Variants in ATXN1 observed in about 807,000 individuals in gnomAD.
ATXN1 encodes ataxin-1.
In ATXN1, 8 loss-of-function variants were observed where a neutral mutation model predicts 56.4. The ratio of observed to expected loss-of-function variants is 0.14; its 90% confidence interval spans 0.08 to 0.26. The LOEUF is 0.26. Among genes scored for constraint, ATXN1 ranks in the 10% least tolerant of loss-of-function variants. The pLI, the probability that ATXN1 is intolerant of heterozygous loss-of-function variation, is 1.00. For missense variants in ATXN1, 987 were observed against 1,106.5 expected, an observed-to-expected ratio of 0.89 and a Z score of 1.53; for synonymous variants, 514 against 494.6, an observed-to-expected ratio of 1.04 and a Z score of -0.52.
chr6:16,338,528 T>C (rs902788188), intron 6 of ATXN1, among the ~76,000 whole-genome samples: 1 of 152,226 alleles, frequency 6.6e-6, no homozygotes, highest in Non-Finnish European at 1.5e-5. Flanking sequence ...CGATTATACA[T>C]GTGCCCAAGT....
rs897937301 is a variant in ATXN1, at chr6:16,309,243, TA to T, written c.1918-2385del. Among the ~76,000 whole-genome samples the T allele has an allele frequency of 2.1e-3, 299 of 145,034 alleles. 2 individuals carry two copies. The highest frequency in any genetic ancestry group is 0.014 in the Middle Eastern group (4 of 282). ...ACTCTGTCTCTAAAAAAAAAAAAAA[TA>T]AATAATAATAATAATAATAATTAAT... On this transcript the variant is annotated intron_variant, in intron 7 of 7. Transcript: ENST00000436367.
intron 5 of ATXN1, among the ~76,000 whole-genome samples, chr6:16,494,862 AT>A (rs1760748951): frequency 6.6e-6 from 1 of 152,184 alleles, no homozygotes; most frequent in South Asian, 2.1e-4. Context: ...TCCTTCAGGT[AT>A]TGCTGTAGCA....
chr6:16,391,078 C>T (rs1029010712), intron 6 of ATXN1, among the ~76,000 whole-genome samples: 2 of 145,544 alleles, frequency 1.4e-5, no homozygotes, highest in African/African-American at 5.2e-5. Context: ...AGGAGAATCA[C>T]ATGAACCTGG....
At chr6:16,346,421 T>C (rs956333234) in intron 6 of ATXN1, among the ~76,000 whole-genome samples, 4 of 152,158 alleles carry the variant, frequency 2.6e-5, no homozygotes, top group African/African-American at 7.2e-5. Flanking sequence ...TCCTCCTCTA[T>C]GCAGTAATCC....
At chr6:16,648,438 G>A (rs1763839035) in intron 3 of ATXN1, among the ~76,000 whole-genome samples, 2 of 152,210 alleles carry the variant, frequency 1.3e-5, no homozygotes, top group South Asian at 2.1e-4. Flanking sequence ...TCATGAAAGT[G>A]CAACAAAATA....
At chr6:16,539,364 G>C (rs1200675695) in intron 4 of ATXN1, among the ~76,000 whole-genome samples, 1 of 152,148 alleles carries the variant, frequency 6.6e-6, no homozygotes, top group East Asian at 1.9e-4. Flanking sequence ...AACTAGCTCA[G>C]AGGCCTATGT....
At chr6:16,509,427 G>A (rs1761038073) in intron 5 of ATXN1, among the ~76,000 whole-genome samples, 1 of 152,174 alleles carries the variant, frequency 6.6e-6, no homozygotes, top group Non-Finnish European at 1.5e-5. Context: ...AGGCCTCTTG[G>A]AGGTGACATT....
intron 2 of ATXN1, among the ~76,000 whole-genome samples, chr6:16,725,244 G>A (rs1388238020): frequency 6.6e-6 from 1 of 152,174 alleles, no homozygotes; most frequent in East Asian, 1.9e-4. Flanking sequence ...TACGAGAGCT[G>A]AGTTTTCTGT....
chr6:16,550,669 G>C (rs1427913167), intron 4 of ATXN1, among the ~76,000 whole-genome samples: 6 of 152,142 alleles, frequency 3.9e-5, no homozygotes, highest in African/African-American at 1.4e-4. Context: ...GTCAGCCATG[G>C]ACACACAGCT....
intron 2 of ATXN1, among the ~76,000 whole-genome samples, chr6:16,694,468 C>T (rs1210858048): frequency 1.3e-5 from 2 of 151,834 alleles, no homozygotes; most frequent in Admixed American, 6.6e-5. Context: ...TGCCCAGGCT[C>T]GTCACAATTG....
At chr6:16,426,028 C>A (rs572291170) in intron 6 of ATXN1, among the ~76,000 whole-genome samples, 1 of 152,232 alleles carries the variant, frequency 6.6e-6, no homozygotes, top group East Asian at 1.9e-4. Flanking sequence ...AGGAAAGACT[C>A]GTTGGCATAT....
chr6:16,502,417 A>G (rs1760902505), intron 5 of ATXN1, among the ~76,000 whole-genome samples: 2 of 152,212 alleles, frequency 1.3e-5, no homozygotes, highest in African/African-American at 4.8e-5. Flanking sequence ...CATTTAAGAG[A>G]AAATGTGGTT....
At position 16,301,086 on chromosome 6, in the gene ATXN1, T is replaced by C. The variant is rs1760081676; in HGVS notation, c.*5243A>G. 2.6e-5 allele frequency: 1 copy of C among 38,922 alleles called. No individual in the cohort carries two copies. The highest frequency in any genetic ancestry group is 2.4e-4 in the African/African-American group (1 of 4,234). The allele number at this position is 38,922 out of a possible 1,614,324, so 2.4% of individuals were successfully genotyped here. On this transcript the variant is annotated 3_prime_UTR_variant, in exon 8 of 8. Transcript: ENST00000436367. The stretch of plus-strand genomic sequence containing the variant: ...CATGTAACTTTCAACCCTTCTCTGC[T>C]TTTTTTTTTTTACAAACAAAGTATG...
At position 16,516,324 on chromosome 6, in the gene ATXN1, C is replaced by T. The variant is rs184773442; in HGVS notation, c.-299+6303G>A. On this transcript the variant is annotated intron_variant, in intron 5 of 7. Transcript: ENST00000436367. ...TTCATTCTTTTACCCTACACGTTAT[C>T]GAGCACCTACTGTGTGCTGTGTGAG... Among the ~76,000 whole-genome samples the T allele has an allele frequency of 1.4e-3, 217 of 152,292 alleles. 1 individual carries two copies. The highest frequency in any genetic ancestry group is 2.6e-3 in the Non-Finnish European group (175 of 68,038).
chr6:16,615,243 C>T (rs1763186444), intron 3 of ATXN1: 1 of 148,504 alleles, frequency 6.7e-6, no homozygotes, highest in Non-Finnish European at 1.5e-5. Context: ...ATTTCCGAAG[C>T]TGCTATATGT....
At chr6:16,470,884 T>C (rs1436231574) in intron 6 of ATXN1, among the ~76,000 whole-genome samples, 1 of 152,016 alleles carries the variant, frequency 6.6e-6, no homozygotes, top group Non-Finnish European at 1.5e-5. Context: ...CTTTGAAAAA[T>C]GCAATTATCC....
chr6:16,553,815 T>C (rs1270815488), intron 4 of ATXN1, among the ~76,000 whole-genome samples: 2 of 152,142 alleles, frequency 1.3e-5, no homozygotes, highest in Non-Finnish European at 2.9e-5. Context: ...GACTGTGAGT[T>C]TTCTCTGCTT....
chr6:16,669,949 G>C (rs1758506507), intron 2 of ATXN1, among the ~76,000 whole-genome samples: 1 of 151,964 alleles, frequency 6.6e-6, no homozygotes, highest in African/African-American at 2.4e-5. Flanking sequence ...TGTCACCTCA[G>C]ACCACACCAC....
chr6:16,473,847 A>T (rs1483972356), intron 6 of ATXN1, among the ~76,000 whole-genome samples: 1 of 152,170 alleles, frequency 6.6e-6, no homozygotes, highest in Non-Finnish European at 1.5e-5. Context: ...CTCTCAGTCA[A>T]GTCCTTCCAT....
Sources: allele counts gnomAD v4.1 joint callset (sites outside exome capture counted in the v4.1 genomes callset), GRCh38; gene constraint gnomAD v4.1.1; transcripts MANE v1.5; gene names NCBI Gene and HGNC (gene_info 2026-07-23, HGNC 2026-07-21).